TREM1: variants seen among roughly 807,000 people sequenced by gnomAD.
TREM1 encodes the protein triggering receptor expressed on myeloid cells 1.
TREM1 carries 16 observed loss-of-function variants against 22.4 expected under a neutral mutation model. That is an observed-to-expected ratio of 0.71 (90% CI 0.48 to 1.08). The LOEUF is 1.08. Among genes scored for constraint, TREM1 ranks in the 50% least tolerant of loss-of-function variants. TREM1 has a pLI of 0.00. For synonymous variants in TREM1, 110 were observed against 111.6 expected (o/e 0.99, Z 0.09); for missense variants, 283 against 282.9 (o/e 1.00, Z 0.00).
At chr6:41,280,729 C>T (rs1767872270) in intron 3 of TREM1, 1 of 1,437,230 alleles carries the variant, frequency 7.0e-7, no homozygotes, top group Non-Finnish European at 9.1e-7. Context: ...ACTCAGGTTG[C>T]AAGGAAACAA....
chr6:41,281,371 C>T (rs970716466), intron 2 of TREM1: 1 of 514,640 alleles, frequency 1.9e-6, no homozygotes. Context: ...CAACCTGAGT[C>T]AGAAATCGAA....
rs773665555 is a variant in TREM1 at position 41,276,234 on chromosome 6, C to T, written c.600-4G>A. The T allele has an allele frequency of 5.9e-5, 95 of 1,611,924 alleles. No individual in the cohort carries two copies. Among genetic ancestry groups the T allele is most frequent in the East Asian group, 3.8e-4 (17 of 44,858 alleles). Reference sequence around the variant, plus strand: ...GACAATGTTGAACACCGGAACCCTGCGGGAGACAAGAGGCTGAACGCTACT... The same window carrying T: ...GACAATGTTGAACACCGGAACCCTGTGGGAGACAAGAGGCTGAACGCTACT... On this transcript the variant is annotated splice_region_variant and splice_polypyrimidine_tract_variant and intron_variant, in intron 3 of 3. Coordinates refer to ENST00000244709, the MANE Select transcript of TREM1 (RefSeq NM_018643.5).
intron 3 of TREM1, among the ~76,000 whole-genome samples, chr6:41,277,560 G>T (rs1330071333): frequency 2.0e-5 from 3 of 152,158 alleles, no homozygotes; most frequent in Non-Finnish European, 4.4e-5. Context: ...TATCCACTCT[G>T]AGTGCTTTAC....
At chr6:41,282,856 T>A (rs2234236) in intron 1 of TREM1, 105 bp from the exon 2 acceptor site, 2 of 1,057,876 alleles carry the variant, frequency 1.9e-6, no homozygotes, top group Non-Finnish European at 2.8e-6. Flanking sequence ...ACCACCCATA[T>A]TTCAGATGAG....
chr6:41,279,972 G>C (rs2113984307), intron 3 of TREM1: 1 of 978,196 alleles, frequency 1.0e-6, no homozygotes, highest in East Asian at 1.1e-4. Flanking sequence ...CTAAGAACAG[G>C]CCAATGGTTA....
Position 41,276,168 on chromosome 6 carries a change from A to G in TREM1, c.662T>C (p.Phe221Ser). The part of the protein sequence containing the change: ...AGGFLSKSLV[F>S]SVLFAVTLRS... ...CAGCGTGACAGCAAACAGGACAGAGAAGACCAGGCTCTTACTCAGGAATCC... is the reference window on the plus strand; with the variant it reads ...CAGCGTGACAGCAAACAGGACAGAGGAGACCAGGCTCTTACTCAGGAATCC... The change falls in exon 4 of 4, where the codon TTC (phenylalanine) becomes TCC (serine). Residue 221 changes from phenylalanine to serine, a missense_variant. Physicochemically the swap from Phe to Ser is radical, Grantham distance 155 (BLOSUM62 -2). Transcript: ENST00000244709. 6.2e-7 allele frequency: 1 copy of G among 1,614,158 alleles called. No individual in the cohort carries two copies. Among genetic ancestry groups the G allele is most frequent in the South Asian group, 1.1e-5 (1 of 91,072 alleles).
At chr6:41,276,379 T>G (rs767364765) in intron 3 of TREM1, 149 bp from the exon 4 acceptor site, 21 of 652,048 alleles carry the variant, frequency 3.2e-5, no homozygotes, top group Non-Finnish European at 5.8e-5. Flanking sequence ...TGCTTTTCAG[T>G]CTGTCTCATT....
chr6:41,272,336 T>C (rs979576076), downstream of TREM1, among the ~76,000 whole-genome samples: 1 of 152,132 alleles, frequency 6.6e-6, no homozygotes, highest in Non-Finnish European at 1.5e-5. Flanking sequence ...TCCTCATCAC[T>C]GACCACTGAC....
intron 1 of TREM1, 78 bp from the exon 2 acceptor site, chr6:41,282,829 C>A: frequency 1.5e-6 from 2 of 1,338,332 alleles, no homozygotes; most frequent in South Asian, 2.8e-5. Context: ...AGAGGAGCCC[C>A]CTGTTTTTCT....
At position 41,273,769 on chromosome 6, in the gene TREM1, G is replaced by C. The variant is rs1459442938; in HGVS notation, c.*2356C>G. On this transcript the variant is annotated 3_prime_UTR_variant, in exon 4 of 4. Transcript: ENST00000244709. ...GTGGCTGGACTTGGAGATGGGAGCT[G>C]TTTGCTGAGAGGCTTGAAGGAGCCT... 6.6e-6 allele frequency among the ~76,000 whole-genome samples: 1 copy of C among 152,204 alleles called. No homozygotes were observed. The highest frequency in any genetic ancestry group is 1.5e-5 in the Non-Finnish European group (1 of 68,030).
At chr6:41,277,539 G>A (rs1425755888) in intron 3 of TREM1, among the ~76,000 whole-genome samples, 1 of 152,184 alleles carries the variant, frequency 6.6e-6, no homozygotes, top group Admixed American at 6.5e-5. Flanking sequence ...TCTCCTGCCA[G>A]TGCTCTGCAT....
chr6:41,283,562 A>C (rs1162707630), intron 1 of TREM1, among the ~76,000 whole-genome samples: 1 of 152,160 alleles, frequency 6.6e-6, no homozygotes, highest in African/African-American at 2.4e-5. Context: ...ATACAAAAAA[A>C]TTAGCCAGGC....
At position 41,274,662 on chromosome 6, in the gene TREM1, G is replaced by T. The variant is rs1027627396; in HGVS notation, c.*1463C>A. ...AATGCCCACCACACACCTTCTAATG[G>T]GCTCAAAATTGCGGTTCAGAAATCA... On this transcript the variant is annotated 3_prime_UTR_variant, in exon 4 of 4. Transcript: ENST00000244709. Among the ~76,000 whole-genome samples, 1 of 152,052 alleles carries T rather than the reference G, an allele frequency of 6.6e-6. No homozygotes were observed. Among genetic ancestry groups the T allele is most frequent in the East Asian group, 1.9e-4 (1 of 5,186 alleles).
downstream of TREM1, among the ~76,000 whole-genome samples, chr6:41,272,602 A>G (rs1475355520): frequency 1.3e-5 from 2 of 152,110 alleles, no homozygotes; most frequent in East Asian, 1.9e-4. Context: ...GTATTTTAGC[A>G]ACAGCTTAGG....
In TREM1 at chr6:41,282,441, C is replaced by T. The variant is rs2234239; in HGVS notation, c.360G>A (p.Lys120=). The T allele has an allele frequency of 0.046, 73,714 of 1,613,960 alleles. 2,042 individuals carry two copies. Among genetic ancestry groups the T allele is most frequent in the Middle Eastern group, 0.06 (360 of 6,040 alleles). The change falls in exon 2 of 4, where the codon AAG becomes AAA. Residue 120 remains lysine (K), a synonymous_variant. Coordinates refer to ENST00000244709, the MANE Select transcript of TREM1 (RefSeq NM_018643.5). The part of the protein sequence containing the change: ...LYQCVIYQPP[K]EPHMLFDRIR... ...TGCGATCGAACAGCATGTGAGGCTCCTTGGGAGGCTGGTAGATCACACACT... is the reference window on the plus strand; with the variant it reads ...TGCGATCGAACAGCATGTGAGGCTCTTTGGGAGGCTGGTAGATCACACACT...
chr6:41,275,945 T>C lies in TREM1; in HGVS notation c.*180A>G. On this transcript the variant is annotated 3_prime_UTR_variant, in exon 4 of 4. Coordinates refer to ENST00000244709, the MANE Select transcript of TREM1 (RefSeq NM_018643.5). ...CTGAGGCACAAATGCCCACCCAAGA[T>C]TATTAGAGGAACGAGGGCAGTGGGC... 1 of 591,294 alleles carries C rather than the reference T, an allele frequency of 1.7e-6. No homozygotes were observed. Among genetic ancestry groups the C allele is most frequent in the Admixed American group, 3.0e-5 (1 of 33,860 alleles). 36.6% of individuals were successfully genotyped at this position (591,294 alleles called of 1,614,324 possible). A position where few individuals can be genotyped will look rare whatever the true frequency, so the allele number is the denominator to read the frequency against.
chr6:41,281,359 G>A, intron 2 of TREM1: 2 of 564,240 alleles, frequency 3.5e-6, no homozygotes, highest in Admixed American at 3.6e-5. Flanking sequence ...ATACTGTGGA[G>A]TCAACCTGAG....
At chr6:41,284,223 A>C (rs1768061283) in intron 1 of TREM1, among the ~76,000 whole-genome samples, 2 of 152,202 alleles carry the variant, frequency 1.3e-5, no homozygotes, top group African/African-American at 4.8e-5. Context: ...TGTTATAACC[A>C]GGGAGAGGGG....
At chr6:41,270,142 A>C (rs1202961290), downstream of TREM1, 3 of 152,222 alleles carry the variant, frequency 2.0e-5, no homozygotes, top group East Asian at 5.8e-4. Context: ...GGCATATTTC[A>C]TGATGTTGTA....
Sources: allele counts gnomAD v4.1 joint callset (sites outside exome capture counted in the v4.1 genomes callset), GRCh38; gene constraint gnomAD v4.1.1; transcripts MANE v1.5; gene names NCBI Gene and HGNC (gene_info 2026-07-23, HGNC 2026-07-21).